ESRRG: variants seen among roughly 807,000 people sequenced by gnomAD.
ESRRG encodes the protein estrogen related receptor gamma.
A neutral mutation model predicts 44.0 loss-of-function variants in ESRRG; 13 were observed. The observed-to-expected ratio is 0.30, with a 90% CI of 0.19 to 0.47. The LOEUF is 0.47. Among genes scored for constraint, ESRRG ranks in the 20% least tolerant of loss-of-function variants. The pLI is 1.00. For missense variants in ESRRG, 395 were observed against 580.6 expected, an observed-to-expected ratio of 0.68 and a Z score of 3.29; for synonymous variants, 215 against 214.6, an observed-to-expected ratio of 1.00 and a Z score of -0.02.
chr1:216,675,057 G>A (rs2075852512), intron 2 of ESRRG, among the ~76,000 whole-genome samples: 2 of 152,056 alleles, frequency 1.3e-5, no homozygotes, highest in Non-Finnish European at 2.9e-5. Flanking sequence ...TGAATTTCCA[G>A]ATGCTCTTAA....
At chr1:217,133,552 T>C (rs1436208438) in intron 1 of ESRRG, among the ~76,000 whole-genome samples, 4 of 152,262 alleles carry the variant, frequency 2.6e-5, no homozygotes, top group Non-Finnish European at 4.4e-5. Flanking sequence ...AGTCCTGGGC[T>C]TTTCAAACTG....
At chr1:217,040,722 T>A (rs545497698) in intron 1 of ESRRG, among the ~76,000 whole-genome samples, 1 of 152,182 alleles carries the variant, frequency 6.6e-6, no homozygotes, top group East Asian at 1.9e-4. Context: ...TTAAGGAGGT[T>A]CAGTAATTTG....
chr1:216,981,700 AACACAC>A lies in ESRRG; in HGVS notation c.-105-42033_-105-42028del, dbSNP rs10535630. On this transcript the variant is annotated intron_variant, in intron 1 of 7. Coordinates refer to the ESRRG transcript ENST00000359162. Reference sequence around the variant, plus strand: ...CAATTGTGTTGAACCTAAAGAGTTAAACACACACACACACACACATGCACACATACG... The same window carrying A: ...CAATTGTGTTGAACCTAAAGAGTTAAACACACACACACATGCACACATACG... Among the ~76,000 whole-genome samples the A allele has an allele frequency of 2.1e-3, 319 of 151,294 alleles. 2 individuals carry two copies. Among genetic ancestry groups the A allele is most frequent in the Non-Finnish European group, 2.2e-4 (15 of 67,738 alleles).
chr1:216,643,457 A>G (rs2150941841), intron 3 of ESRRG, among the ~76,000 whole-genome samples: 1 of 152,296 alleles, frequency 6.6e-6, no homozygotes, highest in East Asian at 1.9e-4. Flanking sequence ...GTCAGAGAAA[A>G]AGATGAAGAC....
At chr1:216,530,109 CAAAA>C (rs34108833) in intron 5 of ESRRG, among the ~76,000 whole-genome samples, 10 of 62,782 alleles carry the variant, frequency 1.6e-4, no homozygotes, top group African/African-American at 5.2e-4. Context: ...GAGACTCCAT[CAAAA>C]AAAAAAAAAA....
At chr1:217,007,926 G>A (rs919666358) in intron 1 of ESRRG, among the ~76,000 whole-genome samples, 1 of 152,144 alleles carries the variant, frequency 6.6e-6, no homozygotes, top group Non-Finnish European at 1.5e-5. Flanking sequence ...GAGTCCAAGA[G>A]AAGAGCCATA....
intron 2 of ESRRG, among the ~76,000 whole-genome samples, chr1:216,835,986 A>G (rs909611446): frequency 2.0e-5 from 3 of 152,104 alleles, no homozygotes; most frequent in Non-Finnish European, 4.4e-5. Flanking sequence ...AGAGTTTAAG[A>G]AAAAGTACCT....
chr1:216,603,165 CA>C (rs1558755994), intron 3 of ESRRG, among the ~76,000 whole-genome samples: 2 of 152,142 alleles, frequency 1.3e-5, no homozygotes. Context: ...GCTGAAATGA[CA>C]TTTTTGAATG....
At chr1:216,909,929 GA>G (rs1201116504) in intron 2 of ESRRG, among the ~76,000 whole-genome samples, 1 of 152,014 alleles carries the variant, frequency 6.6e-6, no homozygotes, top group East Asian at 1.9e-4. Context: ...CCAGAAACAT[GA>G]ATGTGATTCA....
chr1:216,818,304 G>T (rs1032445607), intron 2 of ESRRG, among the ~76,000 whole-genome samples: 1 of 152,214 alleles, frequency 6.6e-6, no homozygotes, highest in African/African-American at 2.4e-5. Flanking sequence ...AAGAGCTAAG[G>T]TTGGCATTTT....
chr1:216,677,449 G>A lies in ESRRG; in HGVS notation c.99C>T (p.Ser33=). 1 of 1,613,516 alleles carries A rather than the reference G, an allele frequency of 6.2e-7. No homozygotes were observed. Among genetic ancestry groups the A allele is most frequent in the Middle Eastern group, 1.7e-4 (1 of 6,054 alleles). Residue 33 remains serine, a synonymous_variant, in exon 2 of 7, where the codon TCC becomes TCT. Coordinates refer to ENST00000408911, the MANE Select transcript of ESRRG (RefSeq NM_001438.4). ...RMSNKDRHID[S]SCSSFIKTEP... Reference sequence around the variant, plus strand: ...CCGTCTTGATGAAGGACGAACAGCTGGAATCAATGTGTCGATCTTTGTTTG... The same window carrying A: ...CCGTCTTGATGAAGGACGAACAGCTAGAATCAATGTGTCGATCTTTGTTTG...
At chr1:217,083,215 A>C (rs932187183) in intron 1 of ESRRG, among the ~76,000 whole-genome samples, 1 of 152,252 alleles carries the variant, frequency 6.6e-6, no homozygotes, top group East Asian at 1.9e-4. Context: ...GACCAAAAAA[A>C]CAAAGTGTTT....
chr1:216,715,874 T>C (rs2084754911), intron 1 of ESRRG, among the ~76,000 whole-genome samples: 1 of 152,102 alleles, frequency 6.6e-6, no homozygotes, highest in Non-Finnish European at 1.5e-5. Context: ...AGTAAAATCT[T>C]TCTAGAGTAG....
intron 1 of ESRRG, among the ~76,000 whole-genome samples, chr1:217,001,116 G>A (rs911420956): frequency 1.7e-4 from 26 of 152,224 alleles, no homozygotes; most frequent in African/African-American, 6.3e-4. Context: ...TTTGTCTAAT[G>A]TCTACAGAAA....
At chr1:216,976,615 C>G (rs1377702390) in intron 1 of ESRRG, among the ~76,000 whole-genome samples, 2 of 152,076 alleles carry the variant, frequency 1.3e-5, no homozygotes, top group African/African-American at 4.8e-5. Flanking sequence ...GCTCATTGAA[C>G]AAAGGTAGCA....
In ESRRG at chr1:216,505,263, A is replaced by G. The variant is rs921522101; in HGVS notation, c.*1676T>C. Reference sequence around the variant, plus strand: ...TTCGGGGCATCTAATTGATTTCTTCATTAGATTACACCTCTTAACAGTCTG... The same window carrying G: ...TTCGGGGCATCTAATTGATTTCTTCGTTAGATTACACCTCTTAACAGTCTG... On this transcript the variant is annotated 3_prime_UTR_variant, in exon 7 of 7. Coordinates refer to ENST00000408911, the MANE Select transcript of ESRRG (RefSeq NM_001438.4). The G allele has an allele frequency of 1.3e-5, 2 of 152,630 alleles. No individual in the cohort carries two copies. Among genetic ancestry groups the G allele is most frequent in the African/African-American group, 4.8e-5 (2 of 41,456 alleles). 9.5% of individuals were successfully genotyped at this position (152,630 alleles called of 1,614,324 possible).
At chr1:216,586,202 A>G (rs1456183168) in intron 3 of ESRRG, among the ~76,000 whole-genome samples, 3 of 152,170 alleles carry the variant, frequency 2.0e-5, no homozygotes, top group East Asian at 3.9e-4. Flanking sequence ...TCCACCCTCC[A>G]GTATTGTATA....
intron 2 of ESRRG, among the ~76,000 whole-genome samples, chr1:216,907,817 T>TAAGAAAAAA (rs2059854203): frequency 6.6e-6 from 1 of 152,208 alleles, no homozygotes; most frequent in African/African-American, 2.4e-5. Context: ...TTGCTGGCTC[T>TAAGAAAAAA]AATTCACATC....
intron 1 of ESRRG, among the ~76,000 whole-genome samples, chr1:217,017,472 A>G (rs1208468923): frequency 3.8e-5 from 4 of 105,830 alleles, no homozygotes; most frequent in Admixed American, 3.3e-4. Context: ...GAGAATCTAC[A>G]TAACTCAAAA....
Sources: gnomAD v4.1 joint callset for allele counts (sites outside exome capture counted in the v4.1 genomes callset) on GRCh38, gnomAD v4.1.1 for gene constraint, MANE v1.5 for transcripts, NCBI Gene and HGNC (gene_info 2026-07-23, HGNC 2026-07-21) for gene names.